Variants in LRRC4C observed in about 807,000 individuals in gnomAD.
The protein encoded by LRRC4C is leucine rich repeat containing 4C, also known as leucine-rich repeat-containing protein 4C.
A neutral mutation model predicts 33.6 loss-of-function variants in LRRC4C; 5 were observed. The ratio of observed to expected loss-of-function variants is 0.15; its 90% CI spans 0.08 to 0.31. The LOEUF is 0.31. LRRC4C is among the 10% of genes least tolerant of loss of function. The probability of loss-of-function intolerance (pLI) is 1.00; values close to 1 mark genes in which losing one functional copy is unlikely to be tolerated. For missense variants in LRRC4C, 560 were observed against 796.7 expected (o/e 0.70, Z 3.58); for synonymous variants, 329 against 302.0 (o/e 1.09, Z -0.93).
chr11:41,203,135 G>T (rs543009212), intron 1 of LRRC4C, among the ~76,000 whole-genome samples: 1 of 152,142 alleles, frequency 6.6e-6, no homozygotes, highest in East Asian at 1.9e-4. Flanking sequence ...ATCATGGAAG[G>T]TCTTATTCCT....
intron 6 of LRRC4C, among the ~76,000 whole-genome samples, chr11:40,140,509 G>A (rs1857289162): frequency 6.6e-6 from 1 of 152,100 alleles, no homozygotes; most frequent in African/African-American, 2.4e-5. Flanking sequence ...CCCAAGGTAA[G>A]TCATCTCTCG....
At chr11:40,530,257 G>A (rs1956220395) in intron 3 of LRRC4C, among the ~76,000 whole-genome samples, 1 of 151,950 alleles carries the variant, frequency 6.6e-6, no homozygotes, top group African/African-American at 2.4e-5. Context: ...CAATTAAGCA[G>A]GATGTTTAAT....
chr11:40,598,970 G>A (rs983251756), intron 3 of LRRC4C, among the ~76,000 whole-genome samples: 2 of 152,168 alleles, frequency 1.3e-5, no homozygotes, highest in Admixed American at 6.5e-5. Flanking sequence ...TGAGTGGGCC[G>A]CTGTCTATAT....
rs550390132 is a variant in LRRC4C at position 40,748,218 on chromosome 11, G to T, written c.-406-99940C>A. Among the ~76,000 whole-genome samples the T allele has an allele frequency of 5.3e-5, 8 of 152,130 alleles. No individual in the cohort carries two copies. In the South Asian group the frequency reaches 1.7e-3, roughly 32 times the overall value. ...TAGAATAACGGCAGTTTTCTCAGGA[G>T]AAACTTTTCAGGTCAGCAAAGAATA... On this transcript the variant is annotated intron_variant, in intron 2 of 6. Coordinates refer to ENST00000528697, the MANE Select transcript of LRRC4C (RefSeq NM_001258419.2).
chr11:40,427,200 C>A (rs996620456), intron 3 of LRRC4C, among the ~76,000 whole-genome samples: 5 of 152,150 alleles, frequency 3.3e-5, no homozygotes, highest in South Asian at 2.1e-4. Context: ...AGAAACTTCA[C>A]CTTTAAAAAA....
chr11:41,212,457 GGTTT>G (rs933146762), intron 1 of LRRC4C, among the ~76,000 whole-genome samples: 2 of 152,216 alleles, frequency 1.3e-5, no homozygotes, highest in African/African-American at 4.8e-5. Context: ...ATGATGTGCA[GGTTT>G]GTTACATAGG....
chr11:40,473,417 A>C (rs1420065772), intron 3 of LRRC4C, among the ~76,000 whole-genome samples: 1 of 152,090 alleles, frequency 6.6e-6, no homozygotes, highest in Admixed American at 6.6e-5. Context: ...TCATGCTAAA[A>C]CTCTCAATAA....
intron 1 of LRRC4C, among the ~76,000 whole-genome samples, chr11:40,952,132 T>C (rs918406617): frequency 6.6e-6 from 1 of 151,884 alleles, no homozygotes; most frequent in Non-Finnish European, 1.5e-5. Context: ...AAGGTGAACA[T>C]TATTATTTTT....
At chr11:41,417,761 T>G (rs929277449) in intron 1 of LRRC4C, among the ~76,000 whole-genome samples, 1 of 151,956 alleles carries the variant, frequency 6.6e-6, no homozygotes, top group Non-Finnish European at 1.5e-5. Context: ...AAGTCAGTAC[T>G]AGATACAGAT....
chr11:41,212,499 G>C (rs190763201), intron 1 of LRRC4C, among the ~76,000 whole-genome samples: 1 of 152,308 alleles, frequency 6.6e-6, no homozygotes, highest in Non-Finnish European at 1.5e-5. Flanking sequence ...ATGTGCCATG[G>C]TGGTTTGCTG....
chr11:40,843,242 A>G (rs2135669130), intron 2 of LRRC4C, among the ~76,000 whole-genome samples: 1 of 152,226 alleles, frequency 6.6e-6, no homozygotes, highest in African/African-American at 2.4e-5. Context: ...TCTCATTTTC[A>G]TTTGATATCT....
chr11:40,440,880 T>A (rs1388056789), intron 3 of LRRC4C, among the ~76,000 whole-genome samples: 1 of 148,670 alleles, frequency 6.7e-6, no homozygotes, highest in African/African-American at 2.5e-5. Flanking sequence ...TTTTTTTTTT[T>A]ATTAGTGCAG....
In LRRC4C at chr11:41,346,730, T is replaced by C. The variant is rs182144583; in HGVS notation, c.-496+112701A>G. Among the ~76,000 whole-genome samples the C allele has an allele frequency of 2.6e-5, 4 of 152,342 alleles. No individual in the cohort carries two copies. The East Asian group carries it at 5.8e-4, about 22-fold the overall frequency. Reference sequence around the variant, plus strand: ...AAAGGTTCCAAAAAGTTCCGCATTATTGAGTGCTACTCAATTTTGTTTAAC... The same window carrying C: ...AAAGGTTCCAAAAAGTTCCGCATTACTGAGTGCTACTCAATTTTGTTTAAC... On this transcript the variant is annotated intron_variant, in intron 1 of 6. Transcript: ENST00000528697.
intron 2 of LRRC4C, among the ~76,000 whole-genome samples, chr11:40,707,895 T>TA (rs1290005274): frequency 3.9e-5 from 6 of 152,294 alleles, no homozygotes; most frequent in Non-Finnish European, 8.8e-5. Flanking sequence ...CAGAGCCTGT[T>TA]ATTGGTCTAT....
intron 3 of LRRC4C, among the ~76,000 whole-genome samples, chr11:40,543,755 C>G (rs1241081106): frequency 2.0e-5 from 3 of 152,064 alleles, no homozygotes; most frequent in Non-Finnish European, 1.5e-5. Context: ...AGCTTATGGT[C>G]TTGGATTTTA....
At chr11:40,669,131 C>A (rs12283811) in intron 2 of LRRC4C, among the ~76,000 whole-genome samples, 3,008 of 152,222 alleles carry the variant, frequency 0.02, 103 homozygotes, top group African/African-American at 0.069. Context: ...TAATATTTTG[C>A]TGAAAATAAT....
intron 2 of LRRC4C, among the ~76,000 whole-genome samples, chr11:40,881,692 A>G (rs942661186): frequency 1.8e-4 from 28 of 151,766 alleles, no homozygotes; most frequent in African/African-American, 6.5e-4. Flanking sequence ...AATATTGGGA[A>G]CACAACAATC....
chr11:40,782,404 T>C (rs1249027899), intron 2 of LRRC4C, among the ~76,000 whole-genome samples: 1 of 152,056 alleles, frequency 6.6e-6, no homozygotes, highest in African/African-American at 2.4e-5. Flanking sequence ...CATTATCTCC[T>C]AGTCTTCTCT....
At chr11:40,553,382 T>C (rs1396498665) in intron 3 of LRRC4C, among the ~76,000 whole-genome samples, 1 of 152,226 alleles carries the variant, frequency 6.6e-6, no homozygotes, top group Non-Finnish European at 1.5e-5. Flanking sequence ...TCAAATGTTA[T>C]TTTATATAAC....
Sources: gnomAD v4.1 joint callset for allele counts (sites outside exome capture counted in the v4.1 genomes callset) on GRCh38, gnomAD v4.1.1 for gene constraint, MANE v1.5 for transcripts, NCBI Gene and HGNC (gene_info 2026-07-23, HGNC 2026-07-21) for gene names.